The following CA5A variants were observed in gnomAD, a reference collection of about 807,000 sequenced individuals.
CA5A encodes the protein carbonic anhydrase 5A.
Under a neutral mutation model 37.1 loss-of-function variants are expected in CA5A, and 28 were observed. That is an observed-to-expected ratio of 0.75 (90% CI 0.56 to 1.03). The LOEUF (loss-of-function observed/expected upper bound fraction) is 1.03, where lower values mean the gene tolerates loss of function less well. CA5A is among the 50% of genes least tolerant of loss of function. The pLI is 0.00. For synonymous variants in CA5A, 171 were observed against 158.4 expected (o/e 1.08, Z -0.60); for missense variants, 444 against 399.9 (o/e 1.11, Z -0.94).
intron 5 of CA5A, among the ~76,000 whole-genome samples, chr16:87,898,104 G>A (rs1277982841): frequency 3.3e-5 from 5 of 152,188 alleles, no homozygotes; most frequent in African/African-American, 7.2e-5. Flanking sequence ...GGGAGTGACC[G>A]TGGCAGGCAT....
intron 1 of CA5A, among the ~76,000 whole-genome samples, chr16:87,929,601 A>T (rs192417822): frequency 2.0e-5 from 3 of 151,930 alleles, no homozygotes; most frequent in East Asian, 3.9e-4. Context: ...GGCCAGGTGC[A>T]GTTGCTCACG....
At chr16:87,896,010 C>T (rs2055797260) in intron 5 of CA5A, among the ~76,000 whole-genome samples, 2 of 152,208 alleles carry the variant, frequency 1.3e-5, no homozygotes, top group South Asian at 4.1e-4. Flanking sequence ...GGCGGGTGTG[C>T]AGTGAGACGT....
At chr16:87,924,424 A>C in intron 2 of CA5A, 105 of 596,456 alleles carry the variant, frequency 1.8e-4, no homozygotes, top group South Asian at 3.0e-4. Flanking sequence ...AGAAGCTCTC[A>C]CGCCCTGCCC....
At chr16:87,893,670 G>C (rs2055758803) in intron 5 of CA5A, 1 of 574,178 alleles carries the variant, frequency 1.7e-6, no homozygotes, top group Non-Finnish European at 3.3e-6. Context: ...CGAGGCTCGG[G>C]CTGGGTCAGC....
intron 5 of CA5A, among the ~76,000 whole-genome samples, chr16:87,898,609 C>G (rs1306807460): frequency 6.6e-6 from 1 of 152,164 alleles, no homozygotes; most frequent in Non-Finnish European, 1.5e-5. Flanking sequence ...GTGCCTTCCA[C>G]AGCAGACTTG....
chr16:87,881,903 T>A (rs1267802279), exon 5 of CA5A: 1 of 152,266 alleles, frequency 6.6e-6, no homozygotes, highest in Non-Finnish European at 1.5e-5. Flanking sequence ...AGGCCATTTT[T>A]CAGGAGACAA....
chr16:87,925,574 A>G (rs1329569878), intron 2 of CA5A: 1 of 152,452 alleles, frequency 6.6e-6, no homozygotes, highest in East Asian at 1.9e-4. Context: ...AGCAGCTTAC[A>G]GTGACACCAG....
intron 1 of CA5A, among the ~76,000 whole-genome samples, chr16:87,933,365 C>T (rs2056432573): frequency 1.3e-5 from 2 of 152,102 alleles, no homozygotes; most frequent in South Asian, 2.1e-4. Context: ...GACTAGAAAA[C>T]ATTAAATGAT....
intron 2 of CA5A, among the ~76,000 whole-genome samples, chr16:87,916,608 C>T (rs575679617): frequency 6.6e-6 from 1 of 152,142 alleles, no homozygotes; most frequent in Admixed American, 6.6e-5. Flanking sequence ...TGTACATATT[C>T]GTTTATTTTT....
At chr16:87,915,526 ATTTTTTTTTTTT>A (rs59358304) in intron 2 of CA5A, among the ~76,000 whole-genome samples, 1 of 73,012 alleles carries the variant, frequency 1.4e-5, no homozygotes, top group East Asian at 5.3e-4. Flanking sequence ...CTGTGTCAAA[ATTTTTTTTTTTT>A]TTTTTTTTTT....
intron 2 of CA5A, among the ~76,000 whole-genome samples, chr16:87,916,485 T>C (rs2056145108): frequency 6.6e-6 from 1 of 152,198 alleles, no homozygotes; most frequent in South Asian, 2.1e-4. Flanking sequence ...GGGTCTTTTC[T>C]GACCATGTTG....
intron 5 of CA5A, among the ~76,000 whole-genome samples, chr16:87,901,409 G>A (rs7189398): frequency 6.6e-6 from 1 of 152,246 alleles, no homozygotes; most frequent in East Asian, 1.9e-4. Flanking sequence ...TGATGCATTC[G>A]AAGTCAGAGA....
Position 87,908,394 on chromosome 16 carries a change from G to A in CA5A, c.341-3490C>T, listed in dbSNP as rs527792555. ...ATGGCAGTGGTGGTGATTGCGCATC[G>A]CACACCCTTCAGGGGCTCCGCAGCT... On this transcript the variant is annotated intron_variant, in intron 2 of 6. Coordinates refer to ENST00000649794, the MANE Select transcript of CA5A (RefSeq NM_001739.2). Among the ~76,000 whole-genome samples, 8 of 152,274 alleles carry A rather than the reference G, an allele frequency of 5.3e-5. No homozygotes were observed. The South Asian group carries it at 1.0e-3, about 20-fold the overall frequency.
At chr16:87,931,534 T>C (rs1027898015) in intron 1 of CA5A, among the ~76,000 whole-genome samples, 3 of 152,194 alleles carry the variant, frequency 2.0e-5, no homozygotes, top group African/African-American at 7.2e-5. Flanking sequence ...TACCACCTTC[T>C]CCCAGTCTCA....
chr16:87,927,856 C>CA (rs569544193), intron 1 of CA5A, among the ~76,000 whole-genome samples: 17,569 of 78,800 alleles, frequency 0.22, 1,496 homozygotes, highest in South Asian at 0.36. Flanking sequence ...GACTCTGCCT[C>CA]AAAAAAAAAA....
intron 5 of CA5A, among the ~76,000 whole-genome samples, chr16:87,897,725 C>A (rs1411855378): frequency 6.6e-6 from 1 of 152,238 alleles, no homozygotes; most frequent in East Asian, 1.9e-4. Context: ...GGTTTAAAAA[C>A]GGGCTCTTCA....
chr16:87,903,001 G>A (rs897325608), intron 3 of CA5A, among the ~76,000 whole-genome samples: 3 of 151,946 alleles, frequency 2.0e-5, no homozygotes, highest in African/African-American at 7.3e-5. Flanking sequence ...GGCCCTTGAC[G>A]AAGCCACAGG....
At position 87,926,731 on chromosome 16, in the gene CA5A, C is replaced by G. The variant is rs376004274; in HGVS notation, c.340+17G>C. 7.8e-5 allele frequency: 125 copies of G among 1,601,090 alleles called. No individual in the cohort carries two copies. Among genetic ancestry groups the G allele is most frequent in the Non-Finnish European group, 1.0e-4 (121 of 1,170,316 alleles). ...AACGGGAGAGGACAAAGCCCTCGAG[C>G]CCCAGCTGGCACTCACCTGATGCCT... On this transcript the variant is annotated intron_variant, in intron 2 of 6. Coordinates refer to ENST00000649794, the MANE Select transcript of CA5A (RefSeq NM_001739.2).
At chr16:87,916,004 G>T (rs112345255) in intron 2 of CA5A, among the ~76,000 whole-genome samples, 10 of 151,982 alleles carry the variant, frequency 6.6e-5, no homozygotes, top group South Asian at 6.3e-4. Flanking sequence ...GCGAAAGGCA[G>T]GTCTTGCATG....
Sources: allele counts gnomAD v4.1 joint callset (sites outside exome capture counted in the v4.1 genomes callset), GRCh38; gene constraint gnomAD v4.1.1; transcripts MANE v1.5; gene names NCBI Gene and HGNC (gene_info 2026-07-23, HGNC 2026-07-21).